Variants in FARS2 observed in about 807,000 individuals in gnomAD.
FARS2 encodes phenylalanine--tRNA ligase, mitochondrial.
FARS2 carries 40 observed loss-of-function variants against 46.4 expected under a neutral mutation model. That is an observed-to-expected ratio of 0.86 (90% CI 0.67 to 1.12). FARS2 has a LOEUF of 1.12. FARS2 is among the 50% of genes most tolerant of loss of function. The pLI, the probability that FARS2 is intolerant of heterozygous loss-of-function variation, is 0.00. For missense variants in FARS2, 513 were observed against 567.9 expected, an observed-to-expected ratio of 0.90 and a Z score of 0.98; for synonymous variants, 234 against 214.9, an observed-to-expected ratio of 1.09 and a Z score of -0.78.
At position 5,653,277 on chromosome 6, in the gene FARS2, G is replaced by C. The variant is rs368507964; in HGVS notation, c.1217+39957G>C. ...TTTTATAGCAGTTCTTCCTACTACA[G>C]GGTAATTATGAACCTGATTTTAACA... On this transcript the variant is annotated intron_variant, in intron 6 of 6. Transcript: ENST00000274680. Among the ~76,000 whole-genome samples, 5 of 152,186 alleles carry C rather than the reference G, an allele frequency of 3.3e-5. No individual in the cohort carries two copies. The East Asian group carries it at 9.7e-4, about 29-fold the overall frequency.
At chr6:5,392,219 A>G (rs1158905162) in intron 2 of FARS2, among the ~76,000 whole-genome samples, 1 of 152,052 alleles carries the variant, frequency 6.6e-6, no homozygotes, top group Non-Finnish European at 1.5e-5. Flanking sequence ...CTTATATGGC[A>G]TTGGTTAATG....
intron 6 of FARS2, chr6:5,694,843 C>CAAAAAAAAAAAAAAA (rs61210395): frequency 7.9e-6 from 1 of 126,032 alleles, no homozygotes; most frequent in African/African-American, 3.0e-5. Flanking sequence ...CACACCTCTA[C>CAAAAAAAAAAAAAAA]AAAAAAAAAA....
Position 5,585,226 on chromosome 6 carries a change from C to T in FARS2, c.1066-27943C>T, listed in dbSNP as rs182220305. Among the ~76,000 whole-genome samples, 1,246 of 152,020 alleles carry T rather than the reference C, an allele frequency of 8.2e-3. 13 individuals are homozygous for T. The highest frequency in any genetic ancestry group is 0.029 in the African/African-American group (1,193 of 41,448). ...ATTCAAGGTATGCAATGTGATGATG[C>T]GATGTCTGCATACCTTGTGTAATGA... On this transcript the variant is annotated intron_variant, in intron 5 of 6. Transcript: ENST00000274680.
At chr6:5,378,237 C>T (rs907360536) in intron 2 of FARS2, among the ~76,000 whole-genome samples, 4 of 151,950 alleles carry the variant, frequency 2.6e-5, no homozygotes, top group South Asian at 4.2e-4. Flanking sequence ...GAGACTTACA[C>T]GTTTGAGAAC....
intron 4 of FARS2, among the ~76,000 whole-genome samples, chr6:5,541,133 A>G (rs1036584123): frequency 1.3e-5 from 2 of 152,170 alleles, no homozygotes; most frequent in Admixed American, 1.3e-4. Flanking sequence ...TGTAAGCTAT[A>G]TTGGCATGTT....
chr6:5,422,098 G>A (rs961035358), intron 3 of FARS2, among the ~76,000 whole-genome samples: 1 of 152,178 alleles, frequency 6.6e-6, no homozygotes, highest in Non-Finnish European at 1.5e-5. Context: ...TCACAATCAT[G>A]GCAGAAGGTG....
At chr6:5,731,451 C>A (rs571686772) in intron 6 of FARS2, among the ~76,000 whole-genome samples, 47 of 152,308 alleles carry the variant, frequency 3.1e-4, no homozygotes, top group African/African-American at 1.1e-3. Context: ...CAGATTCGTT[C>A]CATGTCTCCT....
chr6:5,686,183 GTCTT>G (rs1411521342), intron 6 of FARS2, among the ~76,000 whole-genome samples: 1 of 151,370 alleles, frequency 6.6e-6, no homozygotes, highest in African/African-American at 2.4e-5. Flanking sequence ...GATGATAACA[GTCTT>G]TCTTTCTATG....
rs369633179 is a variant in FARS2 at position 5,355,373 on chromosome 6, TG to T, written c.-21-13176del. 4.4e-4 allele frequency among the ~76,000 whole-genome samples: 66 copies of T among 149,092 alleles called. 2 individuals carry two copies. The highest frequency in any genetic ancestry group is 2.2e-3 in the East Asian group (11 of 5,082). On this transcript the variant is annotated intron_variant, in intron 1 of 6. Transcript: ENST00000274680. The stretch of plus-strand genomic sequence containing the variant: ...TTTACTTTTTTTAGGTTTTCCTTTT[TG>T]TTTTTTTTTTTTTTTTGAGACAGTC...
intron 6 of FARS2, among the ~76,000 whole-genome samples, chr6:5,613,571 C>T (rs188464249): frequency 6.2e-4 from 94 of 152,306 alleles, no homozygotes; most frequent in African/African-American, 2.2e-3. Context: ...AAAAGTCCTG[C>T]AGCTTTTCAG....
intron 4 of FARS2, among the ~76,000 whole-genome samples, chr6:5,451,486 T>G (rs891481963): frequency 6.6e-6 from 1 of 152,198 alleles, no homozygotes; most frequent in Non-Finnish European, 1.5e-5. Context: ...TGGGGCTCAC[T>G]GCTCATTTCC....
rs748122253 is a variant in FARS2 at position 5,717,908 on chromosome 6, C to CTCTATATATATA, written c.1218-53382_1218-53381insCTATATATATAT. On this transcript the variant is annotated intron_variant, in intron 6 of 6. Coordinates refer to ENST00000274680, the MANE Select transcript of FARS2 (RefSeq NM_006567.5). ...AGGCATGAAAATGAGAAGGTATCAG[C>CTCTATATATATA]TATATATATATATATATATATATAT... Among the ~76,000 whole-genome samples, 14 of 77,724 alleles carry CTCTATATATATA rather than the reference C, an allele frequency of 1.8e-4. 1 individual carries two copies. Among genetic ancestry groups the CTCTATATATATA allele is most frequent in the East Asian group, 1.2e-3 (5 of 4,088 alleles). 51.0% of individuals were successfully genotyped at this position (77,724 alleles called of 152,430 possible). A position where few individuals can be genotyped will look rare whatever the true frequency, so the allele number is the denominator to read the frequency against.
Position 5,557,358 on chromosome 6 carries a change from C to A in FARS2, c.1065+12018C>A, listed in dbSNP as rs1053360832. 2.6e-5 allele frequency among the ~76,000 whole-genome samples: 4 copies of A among 152,136 alleles called. No homozygotes were observed. In the East Asian group the frequency reaches 7.7e-4, roughly 29 times the overall value. ...AGATTGAAGGATGGTGACGGGACCA[C>A]AAGCATTACCTCTTACGACAACGTC... On this transcript the variant is annotated intron_variant, in intron 5 of 6. Transcript: ENST00000274680.
At chr6:5,271,186 C>T (rs62385049) in intron 1 of FARS2, among the ~76,000 whole-genome samples, 2,780 of 152,224 alleles carry the variant, frequency 0.018, 41 homozygotes, top group Non-Finnish European at 0.03. Context: ...TCTTCTCTAA[C>T]GTAAATTTTA....
intron 5 of FARS2, among the ~76,000 whole-genome samples, chr6:5,547,294 A>G (rs1326589018): frequency 1.3e-5 from 2 of 151,728 alleles, no homozygotes; most frequent in South Asian, 2.1e-4. Flanking sequence ...AATTCCAACC[A>G]TTTGATTATC....
intron 2 of FARS2, among the ~76,000 whole-genome samples, chr6:5,373,427 G>C (rs924646052): frequency 2.0e-5 from 3 of 152,100 alleles, no homozygotes; most frequent in Admixed American, 1.3e-4. Flanking sequence ...TGTTGGACTT[G>C]AGTCTGATTA....
At chr6:5,498,868 C>T (rs17140598) in intron 4 of FARS2, among the ~76,000 whole-genome samples, 1,944 of 152,254 alleles carry the variant, frequency 0.013, 43 homozygotes, top group African/African-American at 0.044. Flanking sequence ...GAAATTGAAA[C>T]AAGGCAGTTG....
Position 5,752,469 on chromosome 6 carries a change from C to T in FARS2, c.1218-18822C>T, listed in dbSNP as rs113616715. 4.6e-3 allele frequency among the ~76,000 whole-genome samples: 701 copies of T among 152,318 alleles called. 12 individuals are homozygous for T. The highest frequency in any genetic ancestry group is 0.016 in the African/African-American group (672 of 41,560). The stretch of plus-strand genomic sequence containing the variant: ...TCAGCAACTTGCCGAATCCAATTAG[C>T]AGCTTTGTAGCTACTTATTCAGAAT... On this transcript the variant is annotated intron_variant, in intron 6 of 6. Coordinates refer to ENST00000274680, the MANE Select transcript of FARS2 (RefSeq NM_006567.5).
chr6:5,439,413 T>C (rs1233639976), intron 4 of FARS2, among the ~76,000 whole-genome samples: 1 of 152,236 alleles, frequency 6.6e-6, no homozygotes, highest in Non-Finnish European at 1.5e-5. Context: ...TTTGCAGCTA[T>C]GCAACTGGGG....
Sources: gnomAD v4.1 joint callset for allele counts (sites outside exome capture counted in the v4.1 genomes callset) on GRCh38, gnomAD v4.1.1 for gene constraint, MANE v1.5 for transcripts, NCBI Gene and HGNC (gene_info 2026-07-23, HGNC 2026-07-21) for gene names.